The following MED13L variants were observed in gnomAD, a reference collection of about 807,000 sequenced individuals.
MED13L encodes mediator of RNA polymerase II transcription subunit 13-like.
Under a neutral mutation model 220.9 loss-of-function variants are expected in MED13L, and 7 were observed. That is an observed-to-expected ratio of 0.03 (90% CI 0.02 to 0.06). The LOEUF (loss-of-function observed/expected upper bound fraction) is 0.06. Ranked by LOEUF, MED13L falls within the 10% of genes least tolerant of loss-of-function variation. MED13L has a pLI of 1.00. For missense variants in MED13L, 1,965 were observed against 2,760.5 expected (o/e 0.71, Z 6.46); for synonymous variants, 1,011 against 1,015.2 (o/e 1.00, Z 0.08).
At chr12:116,164,163 A>G (rs551067991) in intron 2 of MED13L, among the ~76,000 whole-genome samples, 16 of 152,296 alleles carry the variant, frequency 1.1e-4, no homozygotes, top group African/African-American at 3.9e-4. Flanking sequence ...TTCATCATAT[A>G]TTTCATTCTT....
intron 2 of MED13L, among the ~76,000 whole-genome samples, chr12:116,203,964 AGC>A (rs929335710): frequency 6.6e-6 from 1 of 152,360 alleles, no homozygotes; most frequent in African/African-American, 2.4e-5. Context: ...GGCTAGCCAG[AGC>A]AAAAATTTTA....
At chr12:116,049,385 C>A (rs570782636) in intron 4 of MED13L, among the ~76,000 whole-genome samples, 43 of 152,314 alleles carry the variant, frequency 2.8e-4, no homozygotes, top group African/African-American at 9.9e-4. Context: ...AACACCCCCA[C>A]AACAAATAAG....
intron 4 of MED13L, among the ~76,000 whole-genome samples, chr12:116,088,635 A>T (rs1871923942): frequency 6.6e-6 from 1 of 152,096 alleles, no homozygotes; most frequent in Non-Finnish European, 1.5e-5. Flanking sequence ...AAAGAAGTAA[A>T]GAAATTTCAG....
At chr12:116,051,014 A>G (rs575382468) in intron 4 of MED13L, among the ~76,000 whole-genome samples, 2 of 152,284 alleles carry the variant, frequency 1.3e-5, no homozygotes, top group East Asian at 3.9e-4. Flanking sequence ...ATTTAACAAC[A>G]TATCTTTAAA....
intron 2 of MED13L, among the ~76,000 whole-genome samples, chr12:116,177,434 T>C (rs982399371): frequency 6.6e-6 from 1 of 152,330 alleles, no homozygotes; most frequent in Admixed American, 6.5e-5. Context: ...AAATTTCACA[T>C]AATTTATGTC....
In MED13L at chr12:116,007,606, T is replaced by G; in HGVS notation, c.2043A>C (p.Lys681Asn). Residue 681 changes from lysine (K) to asparagine (N), a missense_variant, in exon 11 of 31, where the codon AAA becomes AAC. Around this residue, in one of 10 missense-constraint regions of MED13L, gnomAD observed 818 missense variants for 1,041.2 expected, o/e 0.79. Coordinates refer to ENST00000281928, the MANE Select transcript of MED13L (RefSeq NM_015335.5). ...RLLAQPNKRF[K>N]IWQDKQPQLQ... ...ACTGGGGCTGTTTGTCTTGCCAGAT[T>G]TTAAACCGTTTGTTAGGTTGTGCTA... is the stretch of plus-strand genomic sequence containing the variant. 6.2e-7 allele frequency: 1 copy of G among 1,606,162 alleles called. No individual in the cohort carries two copies. The highest frequency in any genetic ancestry group is 8.5e-7 in the Non-Finnish European group (1 of 1,176,234).
intron 2 of MED13L, among the ~76,000 whole-genome samples, chr12:116,200,097 GAGA>G (rs757612690): frequency 2.9e-4 from 42 of 147,156 alleles, no homozygotes; most frequent in Non-Finnish European, 3.9e-4. Flanking sequence ...AAAAAAAAAG[GAGA>G]AGAAGAAGGA....
chr12:116,020,922 AAG>A (rs1880023902), intron 5 of MED13L, among the ~76,000 whole-genome samples: 1 of 152,146 alleles, frequency 6.6e-6, no homozygotes, highest in African/African-American at 2.4e-5. Context: ...CACATCAATC[AAG>A]AGAGAGACAG....
chr12:116,267,153 G>A (rs1479508916), intron 1 of MED13L, among the ~76,000 whole-genome samples: 2 of 152,158 alleles, frequency 1.3e-5, no homozygotes, highest in Admixed American at 6.5e-5. Flanking sequence ...TAAGAGCCAC[G>A]GTTCAATTCC....
At chr12:116,220,536 T>C (rs1461403367) in intron 2 of MED13L, among the ~76,000 whole-genome samples, 1 of 152,026 alleles carries the variant, frequency 6.6e-6, no homozygotes, top group Non-Finnish European at 1.5e-5. Context: ...CCATCTCTAC[T>C]AAAAATACAA....
chr12:116,190,912 T>C (rs1881230340), intron 2 of MED13L, among the ~76,000 whole-genome samples: 1 of 151,750 alleles, frequency 6.6e-6, no homozygotes, highest in Non-Finnish European at 1.5e-5. Context: ...AGCAATATGG[T>C]GAAACCCCAT....
chr12:116,220,186 A>T (rs530684372), intron 2 of MED13L, among the ~76,000 whole-genome samples: 1 of 152,336 alleles, frequency 6.6e-6, no homozygotes, highest in East Asian at 1.9e-4. Context: ...TGTTAATGCC[A>T]TTATAAACTA....
intron 4 of MED13L, among the ~76,000 whole-genome samples, chr12:116,090,563 G>A (rs1320639311): frequency 6.6e-6 from 1 of 152,152 alleles, no homozygotes; most frequent in Non-Finnish European, 1.5e-5. Flanking sequence ...GATAGGACAT[G>A]TCCAGACTTC....
At chr12:116,258,896 A>T (rs180741827) in intron 1 of MED13L, among the ~76,000 whole-genome samples, 69 of 151,910 alleles carry the variant, frequency 4.5e-4, no homozygotes, top group African/African-American at 1.6e-3. Context: ...AAATCCAAAA[A>T]TTGAAAATTT....
intron 1 of MED13L, among the ~76,000 whole-genome samples, chr12:116,265,787 GAAGTGTTCTC>G (rs773810368): frequency 3.9e-5 from 6 of 152,154 alleles, no homozygotes; most frequent in Non-Finnish European, 7.3e-5. Flanking sequence ...CCATAAATTA[GAAGTGTTCTC>G]CTACATACCA....
chr12:116,096,731 G>A lies in MED13L; in HGVS notation c.417C>T (p.Phe139=), dbSNP rs1241075947. ...GGACAAACCATTTCCCAATCCTAACGAAGTTCTTATCCATTAGGCACCTAA... is the reference window on the plus strand; with the variant it reads ...GGACAAACCATTTCCCAATCCTAACAAAGTTCTTATCCATTAGGCACCTAA... ...LLERCLMDKN[F]VRIGKWFVRP... The change falls in exon 4 of 31, where the codon TTC becomes TTT. Residue 139 remains phenylalanine, a synonymous_variant. Transcript: ENST00000281928. 8 of 1,613,640 alleles carry A rather than the reference G, an allele frequency of 5.0e-6. No homozygotes were observed. The highest frequency in any genetic ancestry group is 3.3e-5 in the Admixed American group (2 of 59,970).
At chr12:116,073,909 C>T (rs1029005577) in intron 4 of MED13L, among the ~76,000 whole-genome samples, 9 of 152,162 alleles carry the variant, frequency 5.9e-5, no homozygotes, top group Non-Finnish European at 7.3e-5. Flanking sequence ...CTCTTTTCAA[C>T]GTAAGATTCA....
At position 115,963,425 on chromosome 12, in the gene MED13L, G is replaced by A; in HGVS notation, c.6482C>T (p.Thr2161Ile). 1 of 1,613,104 alleles carries A rather than the reference G, an allele frequency of 6.2e-7. No individual in the cohort carries two copies. Among genetic ancestry groups the A allele is most frequent in the South Asian group, 1.1e-5 (1 of 91,074 alleles). The part of the protein sequence containing the change: ...QRVPHPLDSK[T>I]TSDVLRFVLE... Reference sequence around the variant, plus strand: ...TATCTACCTTAAAACATCCGACGTGGTTTTGGAGTCAAGAGGGTGTGGAAC... The same window carrying A: ...TATCTACCTTAAAACATCCGACGTGATTTTGGAGTCAAGAGGGTGTGGAAC... The change falls in exon 30 of 31, where the codon ACC (threonine) becomes ATC (isoleucine). Residue 2161 changes from threonine to isoleucine, a missense_variant. Thr to Ile is a moderately conservative substitution (Grantham distance 89, BLOSUM62 -1). This residue lies in a region of MED13L where 145 missense variants were observed against 328.3 expected (regional missense o/e 0.44). Transcript: ENST00000281928.
chr12:116,246,012 T>A (rs1871067249), intron 1 of MED13L, among the ~76,000 whole-genome samples: 1 of 152,052 alleles, frequency 6.6e-6, no homozygotes, highest in South Asian at 2.1e-4. Flanking sequence ...ATCCTCCAAG[T>A]TTCCATATAA....
Sources: allele counts gnomAD v4.1 joint callset (sites outside exome capture counted in the v4.1 genomes callset), GRCh38; gene constraint gnomAD v4.1.1; regional missense constraint gnomAD v4.1.1; transcripts MANE v1.5; gene names NCBI Gene and HGNC (gene_info 2026-07-23, HGNC 2026-07-21).